SUPT3H: variants seen among roughly 807,000 people sequenced by gnomAD.
The protein encoded by SUPT3H is transcription initiation protein SPT3 homolog.
SUPT3H carries 44 observed loss-of-function variants against 44.3 expected under a neutral mutation model. The ratio of observed to expected loss-of-function variants is 0.99; its 90% CI spans 0.78 to 1.28. The LOEUF is 1.28. Among genes scored for constraint, SUPT3H ranks in the 50% most tolerant of loss-of-function variants. SUPT3H has a pLI of 0.00. For synonymous variants in SUPT3H, 124 were observed against 125.6 expected, an observed-to-expected ratio of 0.99 and a Z score of 0.09; for missense variants, 380 against 387.1, an observed-to-expected ratio of 0.98 and a Z score of 0.15.
chr6:45,247,300 G>A (rs1771539826), intron 2 of SUPT3H, among the ~76,000 whole-genome samples: 1 of 152,176 alleles, frequency 6.6e-6, no homozygotes, highest in South Asian at 2.1e-4. Flanking sequence ...TGCAGAGCTG[G>A]CCTTCAGCTG....
At chr6:45,010,219 T>G (rs760615463) in intron 5 of SUPT3H, among the ~76,000 whole-genome samples, 1 of 152,164 alleles carries the variant, frequency 6.6e-6, no homozygotes, top group Non-Finnish European at 1.5e-5. Context: ...AGTCTATTAG[T>G]TGTAATAGTT....
chr6:45,334,295 A>G (rs1398947594), intron 2 of SUPT3H, among the ~76,000 whole-genome samples: 1 of 151,164 alleles, frequency 6.6e-6, no homozygotes, highest in Non-Finnish European at 1.5e-5. Flanking sequence ...ACCATCAACT[A>G]TAAACATATA....
intron 10 of SUPT3H, among the ~76,000 whole-genome samples, chr6:44,831,118 T>C (rs1768634179): frequency 6.6e-6 from 1 of 152,152 alleles, no homozygotes; most frequent in Admixed American, 6.5e-5. Context: ...AAACCTTCTC[T>C]CCAAATATCC....
chr6:45,348,870 T>G (rs1479203241), intron 2 of SUPT3H, among the ~76,000 whole-genome samples: 3 of 152,164 alleles, frequency 2.0e-5, no homozygotes, highest in Admixed American at 2.0e-4. Context: ...TTGAGAGGCT[T>G]TAGTTCCCCC....
At chr6:45,159,918 T>C (rs1196806824) in intron 2 of SUPT3H, among the ~76,000 whole-genome samples, 1 of 152,180 alleles carries the variant, frequency 6.6e-6, no homozygotes, top group Non-Finnish European at 1.5e-5. Flanking sequence ...CACCTACATA[T>C]ACCCAAATAA....
At chr6:45,283,014 A>C (rs1442220558) in intron 2 of SUPT3H, among the ~76,000 whole-genome samples, 2 of 152,238 alleles carry the variant, frequency 1.3e-5, no homozygotes, top group South Asian at 4.1e-4. Flanking sequence ...GAAATAAAAT[A>C]CTTTACAGGC....
chr6:45,170,712 T>C (rs1240966378), intron 2 of SUPT3H, among the ~76,000 whole-genome samples: 1 of 151,712 alleles, frequency 6.6e-6, no homozygotes, highest in African/African-American at 2.4e-5. Flanking sequence ...AGAATGTGAA[T>C]ATGGCAATTG....
At chr6:45,214,015 CAAA>C (rs11418358) in intron 2 of SUPT3H, among the ~76,000 whole-genome samples, 1 of 74,120 alleles carries the variant, frequency 1.3e-5, no homozygotes, top group African/African-American at 5.3e-5. Context: ...TTTTGAAATG[CAAA>C]AAAAAAAAAA....
chr6:45,154,366 T>C (rs1449170334), intron 2 of SUPT3H, among the ~76,000 whole-genome samples: 2 of 152,080 alleles, frequency 1.3e-5, no homozygotes, highest in African/African-American at 4.8e-5. Flanking sequence ...CTTCCAAGAA[T>C]GGCATCAAGG....
chr6:45,182,161 C>T (rs1813373917), intron 2 of SUPT3H, among the ~76,000 whole-genome samples: 1 of 152,166 alleles, frequency 6.6e-6, no homozygotes, highest in Non-Finnish European at 1.5e-5. Flanking sequence ...AAAATTCCAA[C>T]GTTTAGTGTT....
At chr6:44,812,670 A>G (rs908260884) in intron 11 of SUPT3H, among the ~76,000 whole-genome samples, 13 of 152,186 alleles carry the variant, frequency 8.5e-5, no homozygotes, top group African/African-American at 3.1e-4. Flanking sequence ...TGTGGCCAGG[A>G]CTTGAGAGAA....
At chr6:45,316,678 A>G (rs938113715) in intron 2 of SUPT3H, among the ~76,000 whole-genome samples, 11 of 152,200 alleles carry the variant, frequency 7.2e-5, no homozygotes, top group Non-Finnish European at 1.6e-4. Flanking sequence ...AGCTACCAAA[A>G]AAAGGTAAAT....
intron 3 of SUPT3H, among the ~76,000 whole-genome samples, chr6:45,082,945 C>G (rs963618375): frequency 6.6e-6 from 1 of 151,938 alleles, no homozygotes; most frequent in Non-Finnish European, 1.5e-5. Context: ...ATAAAATCAA[C>G]ATACAAAAAT....
chr6:44,914,113 G>A (rs760131016), intron 10 of SUPT3H, among the ~76,000 whole-genome samples: 1 of 152,064 alleles, frequency 6.6e-6, no homozygotes, highest in Non-Finnish European at 1.5e-5. Context: ...TTGCTGTCAG[G>A]AACAAATAGG....
intron 3 of SUPT3H, among the ~76,000 whole-genome samples, chr6:45,042,841 A>C (rs1306403259): frequency 6.6e-6 from 1 of 152,012 alleles, no homozygotes; most frequent in Non-Finnish European, 1.5e-5. Flanking sequence ...ACTTGGAACC[A>C]AGCCAAATGT....
At chr6:45,224,426 T>C (rs144097868) in intron 2 of SUPT3H, among the ~76,000 whole-genome samples, 3 of 152,282 alleles carry the variant, frequency 2.0e-5, no homozygotes, top group East Asian at 3.9e-4. Context: ...TAAATGGTAG[T>C]GACACTTCAC....
rs1193478113 is a variant in SUPT3H, at chr6:45,028,753, C to T, written c.187-8121G>A. On this transcript the variant is annotated intron_variant, in intron 3 of 10. Transcript: ENST00000371459. ...AATACATGTTTAACATTAAGCCATT[C>T]ATGTTTCTCTCCTAGATTTCTTATT... Among the ~76,000 whole-genome samples, 3 of 151,900 alleles carry T rather than the reference C, an allele frequency of 2.0e-5. No individual in the cohort carries two copies. The East Asian group carries it at 5.8e-4, about 29-fold the overall frequency.
intron 10 of SUPT3H, among the ~76,000 whole-genome samples, chr6:44,902,502 C>T (rs191980388): frequency 5.1e-4 from 77 of 152,212 alleles, no homozygotes; most frequent in African/African-American, 1.8e-3. Flanking sequence ...TATATATGCA[C>T]CCAATACAGG....
intron 10 of SUPT3H, among the ~76,000 whole-genome samples, chr6:44,833,060 G>C (rs73735213): frequency 6.6e-6 from 1 of 152,098 alleles, no homozygotes; most frequent in South Asian, 2.1e-4. Context: ...ATATTACTGC[G>C]TATTATGTTT....
Sources: allele counts gnomAD v4.1 joint callset (sites outside exome capture counted in the v4.1 genomes callset), GRCh38; gene constraint gnomAD v4.1.1; transcripts MANE v1.5; gene names NCBI Gene and HGNC (gene_info 2026-07-23, HGNC 2026-07-21).